PPP2R5E: variants seen among roughly 807,000 people sequenced by gnomAD.
PPP2R5E encodes protein phosphatase 2 regulatory subunit B'epsilon, also known as serine/threonine-protein phosphatase 2A 56 kDa regulatory subunit epsilon isoform.
In PPP2R5E, 4 loss-of-function variants were observed where a neutral mutation model predicts 65.3. The observed-to-expected ratio is 0.06, with a 90% confidence interval of 0.03 to 0.14. The LOEUF is 0.14. Among genes scored for constraint, PPP2R5E ranks in the 10% least tolerant of loss-of-function variants. The pLI is 1.00. For missense variants in PPP2R5E, 274 were observed against 556.1 expected (o/e 0.49, Z 5.10); for synonymous variants, 183 against 187.4 (o/e 0.98, Z 0.19).
rs996633247 is a variant in PPP2R5E at position 63,373,709 on chromosome 14, G to C, written c.*2300C>G. ...AGGGTAAGGTACAAAAAAGGATCCTGGCCTTTCTCATTTCAAATGACTGCA... is the reference window on the plus strand; with the variant it reads ...AGGGTAAGGTACAAAAAAGGATCCTCGCCTTTCTCATTTCAAATGACTGCA... On this transcript the variant is annotated 3_prime_UTR_variant, in exon 14 of 14. Transcript: ENST00000337537. 6.6e-6 allele frequency: 1 copy of C among 152,118 alleles called. No homozygotes were observed. Among genetic ancestry groups the C allele is most frequent in the African/African-American group, 2.4e-5 (1 of 41,416 alleles). 9.4% of individuals were successfully genotyped at this position (152,118 alleles called of 1,614,324 possible). A position where few individuals can be genotyped will look rare whatever the true frequency, so the allele number is the denominator to read the frequency against.
rs1883771011 is a variant in PPP2R5E, at chr14:63,372,952, T to C, written c.*3057A>G. 6.6e-6 allele frequency: 1 copy of C among 152,036 alleles called. No individual in the cohort carries two copies. Among genetic ancestry groups the C allele is most frequent in the South Asian group, 2.1e-4 (1 of 4,822 alleles). The allele number at this position is 152,036 out of a possible 1,614,324, so 9.4% of individuals were successfully genotyped here. A position where few individuals can be genotyped will look rare whatever the true frequency, so the allele number is the denominator to read the frequency against. On this transcript the variant is annotated 3_prime_UTR_variant, in exon 14 of 14. Transcript: ENST00000337537. ...TTTTCTTTTCTTTTATAAAAAACAG[T>C]CAAATGTTAGGGAGAGCAAAATATA... is the stretch of plus-strand genomic sequence containing the variant.
chr14:63,457,062 T>C (rs1245759205), intron 2 of PPP2R5E, among the ~76,000 whole-genome samples: 1 of 152,206 alleles, frequency 6.6e-6, no homozygotes. Flanking sequence ...TTTATACATG[T>C]TGAAGGATGA....
chr14:63,415,312 C>G, intron 4 of PPP2R5E, 80 bp from the exon 5 acceptor site: 1 of 927,256 alleles, frequency 1.1e-6, no homozygotes, highest in Non-Finnish European at 1.6e-6. Flanking sequence ...GCCTGTAACA[C>G]TAAAAGTGAC....
intron 5 of PPP2R5E, among the ~76,000 whole-genome samples, chr14:63,405,058 A>C (rs1885987345): frequency 6.6e-6 from 1 of 152,248 alleles, no homozygotes; most frequent in Non-Finnish European, 1.5e-5. Context: ...GCACAACTGC[A>C]CAAATTATAC....
At chr14:63,462,491 C>T (rs937139322) in intron 2 of PPP2R5E, among the ~76,000 whole-genome samples, 1 of 152,150 alleles carries the variant, frequency 6.6e-6, no homozygotes, top group African/African-American at 2.4e-5. Context: ...ACTGCACATA[C>T]CTCCATTCAA....
chr14:63,401,617 TC>T (rs1052624841), intron 5 of PPP2R5E, among the ~76,000 whole-genome samples: 1 of 152,196 alleles, frequency 6.6e-6, no homozygotes, highest in African/African-American at 2.4e-5. Context: ...GTAAGGGTCT[TC>T]CAGCTAGGCA....
At chr14:63,511,403 G>A (rs1892447164) in intron 2 of PPP2R5E, among the ~76,000 whole-genome samples, 1 of 152,168 alleles carries the variant, frequency 6.6e-6, no homozygotes. Context: ...ATGTATGTGA[G>A]TGAGACTATC....
At chr14:63,531,121 T>G (rs1165277310) in intron 2 of PPP2R5E, among the ~76,000 whole-genome samples, 3 of 152,166 alleles carry the variant, frequency 2.0e-5, no homozygotes, top group Admixed American at 1.3e-4. Flanking sequence ...AGAGCCAAGA[T>G]AGCGCCATTG....
chr14:63,502,153 C>T (rs1891921703), intron 2 of PPP2R5E, among the ~76,000 whole-genome samples: 2 of 152,138 alleles, frequency 1.3e-5, no homozygotes, highest in South Asian at 2.1e-4. Context: ...CCCTGGTCTC[C>T]CAAAGTGGTG....
At chr14:63,389,357 T>C (rs951572232) in intron 11 of PPP2R5E, among the ~76,000 whole-genome samples, 3 of 151,796 alleles carry the variant, frequency 2.0e-5, no homozygotes, top group African/African-American at 7.2e-5. Context: ...CACATCTGTA[T>C]GTCTTTAAAA....
At chr14:63,387,739 G>C (rs531954881) in intron 11 of PPP2R5E, among the ~76,000 whole-genome samples, 1 of 152,066 alleles carries the variant, frequency 6.6e-6, no homozygotes, top group South Asian at 2.1e-4. Context: ...AATCCCCAAC[G>C]TGACTATATT....
At chr14:63,391,090 G>A (rs743221) in intron 10 of PPP2R5E, among the ~76,000 whole-genome samples, 43,237 of 152,086 alleles carry the variant, frequency 0.28, 11,527 homozygotes, top group African/African-American at 0.69. Flanking sequence ...CTGCTCTAGC[G>A]TCTATGTACA....
intron 2 of PPP2R5E, among the ~76,000 whole-genome samples, chr14:63,507,630 A>T (rs187395584): frequency 1.7e-5 from 2 of 119,092 alleles, no homozygotes; most frequent in East Asian, 5.2e-4. Context: ...CCCAGGCTGG[A>T]GTGCAGTGGT....
intron 3 of PPP2R5E, among the ~76,000 whole-genome samples, chr14:63,436,871 G>A (rs1887974804): frequency 6.6e-6 from 1 of 152,220 alleles, no homozygotes; most frequent in Non-Finnish European, 1.5e-5. Flanking sequence ...ATTTGAACCT[G>A]AGCAACTCCA....
intron 2 of PPP2R5E, among the ~76,000 whole-genome samples, chr14:63,508,398 C>G (rs1254444888): frequency 6.6e-6 from 1 of 152,150 alleles, no homozygotes; most frequent in Admixed American, 6.5e-5. Context: ...CCTGGGTGCC[C>G]ATTTAAGCCC....
intron 12 of PPP2R5E, among the ~76,000 whole-genome samples, chr14:63,383,258 C>A (rs898486937): frequency 4.6e-5 from 7 of 152,204 alleles, no homozygotes; most frequent in Non-Finnish European, 8.8e-5. Context: ...AACAAACATG[C>A]TCCTAATACC....
chr14:63,461,222 G>A (rs1207317010), intron 2 of PPP2R5E, among the ~76,000 whole-genome samples: 1 of 152,102 alleles, frequency 6.6e-6, no homozygotes, highest in Admixed American at 6.5e-5. Context: ...TTGAATATGA[G>A]GAATTCCTAG....
At chr14:63,536,553 T>TA (rs1893672743) in intron 2 of PPP2R5E, among the ~76,000 whole-genome samples, 1 of 152,182 alleles carries the variant, frequency 6.6e-6, no homozygotes, top group Non-Finnish European at 1.5e-5. Flanking sequence ...AGCCAGAACT[T>TA]AAACAGGTAT....
At chr14:63,444,219 A>AACATGTGGTTTGGGAATTCC (rs1318075910) in intron 3 of PPP2R5E, among the ~76,000 whole-genome samples, 1 of 152,248 alleles carries the variant, frequency 6.6e-6, no homozygotes, top group Non-Finnish European at 1.5e-5. Context: ...CCCTGTATAT[A>AACATGTGGTTTGGGAATTCC]ACATGTGGTT....
Sources: allele counts gnomAD v4.1 joint callset (sites outside exome capture counted in the v4.1 genomes callset), GRCh38; gene constraint gnomAD v4.1.1; transcripts MANE v1.5; gene names NCBI Gene and HGNC (gene_info 2026-07-23, HGNC 2026-07-21).